The following SLC22A2 variants were observed in gnomAD, a reference collection of about 807,000 sequenced individuals.
SLC22A2 encodes the protein solute carrier family 22 member 2, also known as organic cation transporter 2.
SLC22A2 carries 46 observed loss-of-function variants against 60.5 expected under a neutral mutation model. The ratio of observed to expected loss-of-function variants is 0.76; its 90% confidence interval spans 0.60 to 0.97. The LOEUF (loss-of-function observed/expected upper bound fraction) is 0.97, where lower values mean the gene tolerates loss of function less well. Ranked by LOEUF, SLC22A2 falls within the 50% of genes least tolerant of loss-of-function variation. The pLI is 0.00. For missense variants in SLC22A2, 701 were observed against 706.6 expected (o/e 0.99, Z 0.09); for synonymous variants, 303 against 267.0 (o/e 1.13, Z -1.31).
At chr6:160,218,679 C>T (rs945265107) in intron 10 of SLC22A2, among the ~76,000 whole-genome samples, 5 of 326 alleles carry the variant, frequency 0.015, no homozygotes, top group African/African-American at 0.028. Flanking sequence ...GCAATAGTAA[C>T]AGTAACAGCA....
At chr6:160,251,006 T>C (rs1406209276) in intron 2 of SLC22A2, among the ~76,000 whole-genome samples, 1 of 152,158 alleles carries the variant, frequency 6.6e-6, no homozygotes, top group Non-Finnish European at 1.5e-5. Flanking sequence ...ATCCAGGCCA[T>C]CCTGTGCTGA....
chr6:160,229,620 C>T (rs1229772997), intron 9 of SLC22A2, among the ~76,000 whole-genome samples: 1 of 151,628 alleles, frequency 6.6e-6, no homozygotes, highest in African/African-American at 2.4e-5. Context: ...ACCTCCCACC[C>T]CTTTTACACT....
At chr6:160,246,224 C>T (rs1292844178) in intron 5 of SLC22A2, among the ~76,000 whole-genome samples, 1 of 151,958 alleles carries the variant, frequency 6.6e-6, no homozygotes, top group East Asian at 2.0e-4. Context: ...TGGTCTCGAG[C>T]TCCCAACCTC....
chr6:160,222,044 T>C (rs1782652667), intron 10 of SLC22A2, among the ~76,000 whole-genome samples: 1 of 152,122 alleles, frequency 6.6e-6, no homozygotes, highest in African/African-American at 2.4e-5. Context: ...TGAAGTGCAA[T>C]AAAAGAAGGT....
chr6:160,258,476 C>T lies in SLC22A2; in HGVS notation c.282G>A (p.Val94=), dbSNP rs772717144. The T allele has an allele frequency of 3.3e-5, 53 of 1,614,046 alleles. No individual in the cohort carries two copies. Among genetic ancestry groups the T allele is most frequent in the South Asian group, 6.6e-5 (6 of 91,092 alleles). Residue 94 remains valine, a synonymous_variant, in exon 1 of 11, where the codon GTG becomes GTA. Coordinates refer to ENST00000366953, the MANE Select transcript of SLC22A2 (RefSeq NM_003058.4). Reference sequence around the variant, plus strand: ...AGTCGAAGGTGCTCTGGTTCCAGTCCACCTCGTAGCGCCTACACTGTCTTG... The same window carrying T: ...AGTCGAAGGTGCTCTGGTTCCAGTCTACCTCGTAGCGCCTACACTGTCTTG... The part of the protein sequence containing the change: ...ASPRQCRRYE[V]DWNQSTFDCV...
Position 160,217,167 on chromosome 6 carries a change from A to G in SLC22A2, c.*265T>C. 1 of 341,018 alleles carries G rather than the reference A, an allele frequency of 2.9e-6. No homozygotes were observed. The highest frequency in any genetic ancestry group is 1.5e-4 in the South Asian group (1 of 6,630). The allele number at this position is 341,018 out of a possible 1,614,324, so 21.1% of individuals were successfully genotyped here. A position where few individuals can be genotyped will look rare whatever the true frequency, so the allele number is the denominator to read the frequency against. The stretch of plus-strand genomic sequence containing the variant: ...GAATCAAATTTAAAAAAATACAAAG[A>G]TGGAAAAAAAACCCTCCAGAAAACC... On this transcript the variant is annotated 3_prime_UTR_variant, in exon 11 of 11. Transcript: ENST00000366953.
rs563386871 is a variant in SLC22A2 at position 160,217,643 on chromosome 6, G to T, written c.1602-145C>A. On this transcript the variant is annotated intron_variant, in intron 10 of 10. Transcript: ENST00000366953. ...GTCTTGCAATGTGTTCTGAGTGGTG[G>T]TTCTCACAAAGAAAATGGACAGAAC... 4 of 578,270 alleles carry T rather than the reference G, an allele frequency of 6.9e-6. No homozygotes were observed. In the East Asian group the frequency reaches 1.1e-4, roughly 17 times the overall value. The allele number at this position is 578,270 out of a possible 1,614,324, so 35.8% of individuals were successfully genotyped here.
chr6:160,258,433 T>C lies in SLC22A2; in HGVS notation c.325A>G (p.Ser109Gly). Residue 109 changes from serine to glycine, a missense_variant, in exon 1 of 11, where the codon AGC (serine) becomes GGC (glycine). Transcript: ENST00000366953. The part of the protein sequence containing the change: ...STFDCVDPLA[S>G]LDTNRSRLPL... ...AGGCGGCTCCTGTTGGTGTCCAGGC[T>C]GGCCAGGGGGTCCACGCAGTCGAAG... 2.5e-6 allele frequency: 4 copies of C among 1,614,104 alleles called. No individual in the cohort carries two copies. The highest frequency in any genetic ancestry group is 3.4e-6 in the Non-Finnish European group (4 of 1,180,028).
At position 160,242,784 on chromosome 6, in the gene SLC22A2, G is replaced by A. The variant is rs11969663; in HGVS notation, c.1280-382C>T. Among the ~76,000 whole-genome samples, 560 of 151,870 alleles carry A rather than the reference G, an allele frequency of 3.7e-3. 4 individuals carry two copies. The highest frequency in any genetic ancestry group is 0.031 in the Middle Eastern group (9 of 294). On this transcript the variant is annotated intron_variant, in intron 7 of 10. Coordinates refer to ENST00000366953, the MANE Select transcript of SLC22A2 (RefSeq NM_003058.4). ...TACTTGATGAACCTTCAGTGGCAAC[G>A]ATAATCACCCCAAATCTATAGCTGG... is the stretch of plus-strand genomic sequence containing the variant.
intron 10 of SLC22A2, among the ~76,000 whole-genome samples, chr6:160,220,053 C>G (rs1782622102): frequency 6.6e-6 from 1 of 152,188 alleles, no homozygotes; most frequent in Non-Finnish European, 1.5e-5. Flanking sequence ...ATTGACTCTT[C>G]TCTTCATGAA....
intron 9 of SLC22A2, among the ~76,000 whole-genome samples, chr6:160,239,030 A>G (rs1320182058): frequency 2.6e-5 from 4 of 152,070 alleles, no homozygotes; most frequent in African/African-American, 9.7e-5. Context: ...GGTCACAAAG[A>G]CCTTGGTGAT....
At position 160,247,234 on chromosome 6, in the gene SLC22A2, T is replaced by C. The variant is rs1052958929; in HGVS notation, c.907A>G (p.Ile303Val). The C allele has an allele frequency of 1.2e-6, 2 of 1,613,898 alleles. No homozygotes were observed. The highest frequency in any genetic ancestry group is 1.3e-5 in the African/African-American group (1 of 75,062). ...CCATTTTTCTTTGCGATGTGCTTAA[T>C]GATTCTCATGGCTTCAGCATTCTTA... The part of the protein sequence containing the change: ...QNKNAEAMRI[I>V]KHIAKKNGKS... The change falls in exon 5 of 11, where the codon ATT becomes GTT. Residue 303 changes from isoleucine (I) to valine (V), a missense_variant. By Grantham distance (29) the Ile-to-Val change is conservative. Coordinates refer to ENST00000366953, the MANE Select transcript of SLC22A2 (RefSeq NM_003058.4).
At chr6:160,223,058 G>C (rs1026596277) in intron 10 of SLC22A2, among the ~76,000 whole-genome samples, 2 of 152,140 alleles carry the variant, frequency 1.3e-5, no homozygotes, top group African/African-American at 4.8e-5. Flanking sequence ...CCAGCATTTT[G>C]CCCAAGTACT....
chr6:160,239,991 G>A (rs756591380), intron 9 of SLC22A2, among the ~76,000 whole-genome samples: 6 of 152,186 alleles, frequency 3.9e-5, no homozygotes, highest in Non-Finnish European at 7.3e-5. Flanking sequence ...GGGGCATTGG[G>A]CAGCCTTAGG....
At position 160,258,390 on chromosome 6, in the gene SLC22A2, C is replaced by A; in HGVS notation, c.368G>T (p.Arg123Leu). ...NRSRLPLGPCRDGWVYETPGS... is the reference protein window; with the variant it reads ...NRSRLPLGPCLDGWVYETPGS... ...AGGCGTCTCGTACACCCAGCCGTCCCGGCAGGGGCCCAGTGGCAGGCGGCT... is the reference window on the plus strand; with the variant it reads ...AGGCGTCTCGTACACCCAGCCGTCCAGGCAGGGGCCCAGTGGCAGGCGGCT... Residue 123 changes from arginine to leucine, a missense_variant, in exon 1 of 11, where the codon CGG becomes CTG. By Grantham distance (102) the Arg-to-Leu change is moderately radical. Transcript: ENST00000366953. The A allele has an allele frequency of 6.2e-7, 1 of 1,613,848 alleles. No homozygotes were observed. Among genetic ancestry groups the A allele is most frequent in the African/African-American group, 1.3e-5 (1 of 75,060 alleles).
chr6:160,248,001 G>A (rs2114867792), intron 4 of SLC22A2, among the ~76,000 whole-genome samples: 1 of 152,306 alleles, frequency 6.6e-6, no homozygotes, highest in East Asian at 1.9e-4. Flanking sequence ...GCTCTGAGAG[G>A]CAGGGCTTAA....
chr6:160,228,954 CTT>C (rs1782773141), intron 9 of SLC22A2, among the ~76,000 whole-genome samples: 2 of 151,792 alleles, frequency 1.3e-5, no homozygotes, highest in Admixed American at 1.3e-4. Context: ...CGATGACTGT[CTT>C]TTTGGACTCA....
chr6:160,239,742 G>T (rs149505861), intron 9 of SLC22A2, among the ~76,000 whole-genome samples: 1 of 152,318 alleles, frequency 6.6e-6, no homozygotes, highest in Non-Finnish European at 1.5e-5. Context: ...TGTCTCAGGA[G>T]TAGCACCAGC....
intron 7 of SLC22A2, among the ~76,000 whole-genome samples, chr6:160,242,939 T>C (rs1783034254): frequency 6.6e-6 from 1 of 152,218 alleles, no homozygotes; most frequent in Non-Finnish European, 1.5e-5. Flanking sequence ...CTCTTAACTT[T>C]AGACCTCAGT....
Sources: allele counts gnomAD v4.1 joint callset (sites outside exome capture counted in the v4.1 genomes callset), GRCh38; gene constraint gnomAD v4.1.1; transcripts MANE v1.5; gene names NCBI Gene and HGNC (gene_info 2026-07-23, HGNC 2026-07-21).